The following ATM variants were observed in gnomAD, a reference collection of about 807,000 sequenced individuals.
The protein encoded by ATM is ATM serine/threonine kinase.
A neutral mutation model predicts 387.0 loss-of-function variants in ATM; 308 were observed. The observed-to-expected ratio is 0.80, with a 90% CI of 0.73 to 0.87. ATM has a LOEUF of 0.87. Ranked by LOEUF, ATM falls within the 40% of genes least tolerant of loss-of-function variation. The pLI is 0.00. For synonymous variants in ATM, 1,156 were observed against 1,187.3 expected, an observed-to-expected ratio of 0.97 and a Z score of 0.54; for missense variants, 3,312 against 3,560.9, an observed-to-expected ratio of 0.93 and a Z score of 1.78.
chr11:108,340,359 G>A (rs1046678137), intron 56 of ATM: 3 of 152,118 alleles, frequency 2.0e-5, no homozygotes, highest in African/African-American at 4.8e-5. Flanking sequence ...ATTTCAGTGT[G>A]TAGATCTGTA....
At chr11:108,334,041 T>C (rs1297854009) in intron 54 of ATM, 73 bp downstream of exon 54, 1 of 1,218,608 alleles carries the variant, frequency 8.2e-7, no homozygotes, top group Non-Finnish European at 1.2e-6. Context: ...TGAAATAGTA[T>C]TTTTATGTAG....
chr11:108,257,379 T>G, intron 14 of ATM, 102 bp from the exon 15 acceptor site: 1 of 1,390,020 alleles, frequency 7.2e-7, no homozygotes, highest in East Asian at 2.5e-5. Context: ...GTGCACTTTA[T>G]TTTTTATTTT....
At chr11:108,285,168 C>T (rs1591648842) in intron 26 of ATM, among the ~76,000 whole-genome samples, 1 of 152,234 alleles carries the variant, frequency 6.6e-6, no homozygotes, top group African/African-American at 2.4e-5. Context: ...CCATGTTGGC[C>T]AGGCTGGTCT....
At chr11:108,261,459 C>T (rs560687077) in intron 16 of ATM, among the ~76,000 whole-genome samples, 19 of 152,206 alleles carry the variant, frequency 1.2e-4, no homozygotes, top group Admixed American at 5.2e-4. Context: ...ACAGAAAGGA[C>T]ATCCACACCA....
At chr11:108,270,636 T>C (rs2081521091) in intron 18 of ATM, among the ~76,000 whole-genome samples, 1 of 152,094 alleles carries the variant, frequency 6.6e-6, no homozygotes, top group African/African-American at 2.4e-5. Flanking sequence ...ACCTCTTAAA[T>C]ATTTACAGCT....
rs368062008 is a variant in ATM at position 108,242,128 on chromosome 11, CAA to C, written c.497-1820_497-1819del. Among the ~76,000 whole-genome samples the C allele has an allele frequency of 9.1e-3, 1,366 of 150,186 alleles. 19 individuals carry two copies. Among genetic ancestry groups the C allele is most frequent in the African/African-American group, 0.032 (1,289 of 40,760 alleles). On this transcript the variant is annotated intron_variant, in intron 5 of 62. Coordinates refer to ENST00000675843, the MANE Select transcript of ATM (RefSeq NM_000051.4). ...GTGAGACTTCCGTCTCTTAAAAAAACAAAAAACAAAAAAAAGAGGACCAAAGT... is the reference window on the plus strand; with the variant it reads ...GTGAGACTTCCGTCTCTTAAAAAAACAAAACAAAAAAAAGAGGACCAAAGT...
Position 108,304,866 on chromosome 11 carries a change from T to C in ATM, c.5674+14T>C, listed in dbSNP as rs2083608444. 6.2e-7 allele frequency: 1 copy of C among 1,612,362 alleles called. No individual in the cohort carries two copies. Among genetic ancestry groups the C allele is most frequent in the Non-Finnish European group, 8.5e-7 (1 of 1,179,042 alleles). On this transcript the variant is annotated intron_variant, in intron 37 of 62. Transcript: ENST00000675843. ...ACTTGGATTCAGGTATTCTATTAAA[T>C]TTTTAACATTAATACTGTAAACTCA...
Position 108,244,033 on chromosome 11 carries a change from G to A in ATM, c.577G>A (p.Ala193Thr), listed in dbSNP as rs876659832. The A allele has an allele frequency of 1.2e-6, 2 of 1,612,630 alleles. No homozygotes were observed. The highest frequency in any genetic ancestry group is 2.7e-5 in the African/African-American group (2 of 74,762). Residue 193 changes from alanine (A) to threonine (T), a missense_variant, in exon 6 of 63, where the codon GCT becomes ACT. Physicochemically the swap from Ala to Thr is moderately conservative, Grantham distance 58. Around this residue, in one of 4 missense-constraint regions of ATM, gnomAD observed 1,791 missense variants for 1,804.5 expected, o/e 0.99. Transcript: ENST00000675843. Reference protein sequence around the residue: ...HRVLVARIIHAVTKGCCSQTD... With the variant: ...HRVLVARIIHTVTKGCCSQTD... ...AGTTTTAGTGGCTAGAATAATTCAT[G>A]CTGTTACCAAAGGATGCTGTTCTCA...
At chr11:108,251,706 C>A (rs2080155522) in intron 10 of ATM, 131 bp from the exon 11 acceptor site, 3 of 882,630 alleles carry the variant, frequency 3.4e-6, no homozygotes, top group Non-Finnish European at 3.7e-6. Flanking sequence ...CAAATGTAAT[C>A]AGACTTTTAA....
chr11:108,327,422 A>T, intron 47 of ATM: 1 of 490,826 alleles, frequency 2.0e-6, no homozygotes. Flanking sequence ...AATAAATGTG[A>T]CTTGCTCCAA....
At chr11:108,246,254 CTT>C (rs1047901496) in intron 7 of ATM, among the ~76,000 whole-genome samples, 1 of 152,058 alleles carries the variant, frequency 6.6e-6, no homozygotes, top group Admixed American at 6.6e-5. Context: ...AGTTTTTCAT[CTT>C]TTACTCACCT....
chr11:108,276,519 T>C (rs532333584), intron 22 of ATM, among the ~76,000 whole-genome samples: 1 of 152,348 alleles, frequency 6.6e-6, no homozygotes, highest in East Asian at 1.9e-4. Flanking sequence ...TGGTCTTTGA[T>C]GTTGGTGACT....
At chr11:108,289,940 C>T (rs2082695583) in intron 29 of ATM, 139 bp downstream of exon 29, 1 of 724,254 alleles carries the variant, frequency 1.4e-6, no homozygotes, top group Non-Finnish European at 2.3e-6. Flanking sequence ...TCACTGCATC[C>T]TCAACCTCCT....
At chr11:108,332,728 T>C in intron 52 of ATM, 34 bp from the exon 53 acceptor site, 1 of 1,601,982 alleles carries the variant, frequency 6.2e-7, no homozygotes, top group Non-Finnish European at 8.5e-7. Flanking sequence ...GTTGGGTAGT[T>C]CCTTATGTAA....
At chr11:108,277,541 G>A (rs1233971976) in intron 22 of ATM, among the ~76,000 whole-genome samples, 6 of 152,174 alleles carry the variant, frequency 3.9e-5, no homozygotes, top group South Asian at 2.1e-4. Flanking sequence ...CAAAGACTGC[G>A]GGAAAAGCGT....
Position 108,315,862 on chromosome 11 carries a change from G to A in ATM, c.6046G>A (p.Asp2016Asn), listed in dbSNP as rs2136119479. 6.2e-7 allele frequency: 1 copy of A among 1,613,532 alleles called. No homozygotes were observed. The highest frequency in any genetic ancestry group is 8.5e-7 in the Non-Finnish European group (1 of 1,179,450). The change falls in exon 41 of 63, where the codon GAT becomes AAT. Residue 2016 changes from aspartate (D) to asparagine (N), a missense_variant. This residue lies in a region of ATM where 1,405 missense variants were observed against 1,604.4 expected (regional missense o/e 0.88). Transcript: ENST00000675843. Reference protein sequence around the residue: ...LEIYRSIGEPDSLYGCGGGKM... With the variant: ...LEIYRSIGEPNSLYGCGGGKM... ...AATCTACAGAAGTATAGGGGAGCCA[G>A]ATAGTTTGTATGGCTGTGGTGGAGG...
At chr11:108,251,212 G>GC (rs2080132257) in intron 10 of ATM, 140 bp downstream of exon 10, 1 of 1,307,430 alleles carries the variant, frequency 7.6e-7, no homozygotes, top group Non-Finnish European at 1.1e-6. Flanking sequence ...TTCTTGTTTG[G>GC]CCGAGAAGAC....
chr11:108,260,548 C>T (rs1274002735), intron 16 of ATM, among the ~76,000 whole-genome samples: 1 of 152,100 alleles, frequency 6.6e-6, no homozygotes, highest in African/African-American at 2.4e-5. Flanking sequence ...AATAGTCATA[C>T]CAATTTAGGC....
chr11:108,267,427 G>A lies in ATM; in HGVS notation c.2638+85G>A, dbSNP rs73561600. On this transcript the variant is annotated intron_variant, in intron 17 of 62. Coordinates refer to ENST00000675843, the MANE Select transcript of ATM (RefSeq NM_000051.4). ...AAGAGGCCTCATTGATATCAATTTT[G>A]TGCTTATTTCATTTTCTCTTAGTAT... 4 of 1,272,408 alleles carry A rather than the reference G, an allele frequency of 3.1e-6. No homozygotes were observed. In the East Asian group the frequency reaches 9.5e-5, roughly 30 times the overall value. The allele number at this position is 1,272,408 out of a possible 1,614,324, so 78.8% of individuals were successfully genotyped here. A position where few individuals can be genotyped will look rare whatever the true frequency, so the allele number is the denominator to read the frequency against.
Sources: allele counts gnomAD v4.1 joint callset (sites outside exome capture counted in the v4.1 genomes callset), GRCh38; gene constraint gnomAD v4.1.1; regional missense constraint gnomAD v4.1.1; transcripts MANE v1.5; gene names NCBI Gene and HGNC (gene_info 2026-07-23, HGNC 2026-07-21).